The following BIN3 variants were observed in gnomAD, a reference collection of about 807,000 sequenced individuals.
The protein encoded by BIN3 is bridging integrator 3.
A neutral mutation model predicts 38.2 loss-of-function variants in BIN3; 41 were observed. The observed-to-expected ratio is 1.07, with a 90% CI of 0.84 to 1.39. The LOEUF is 1.39. Ranked by LOEUF, BIN3 falls within the 40% of genes most tolerant of loss-of-function variation. The probability of loss-of-function intolerance (pLI) is 0.00; values close to 1 mark genes in which losing one functional copy is unlikely to be tolerated. For missense variants in BIN3, 361 were observed against 324.3 expected (o/e 1.11, Z -0.87); for synonymous variants, 145 against 122.6 (o/e 1.18, Z -1.21).
chr8:22,639,755 C>T (rs1258157916), intron 2 of BIN3, among the ~76,000 whole-genome samples: 1 of 152,180 alleles, frequency 6.6e-6, no homozygotes, highest in African/African-American at 2.4e-5. Flanking sequence ...ATAAGCTGCC[C>T]CAAGCACACA....
intron 4 of BIN3, chr8:22,634,500 A>G (rs1417916282): frequency 2.2e-6 from 1 of 456,334 alleles, no homozygotes; most frequent in Non-Finnish European, 4.4e-6. Context: ...GTGTTTACAC[A>G]TCAGTAACTG....
At chr8:22,624,674 TGGGTGGCACA>T (rs1328243267) in intron 6 of BIN3, 1 of 308,104 alleles carries the variant, frequency 3.2e-6, no homozygotes, top group African/African-American at 2.2e-5. Context: ...TCCAGGGAGC[TGGGTGGCACA>T]GGGTGGCCCA....
chr8:22,660,471 G>C (rs985011516), intron 1 of BIN3, among the ~76,000 whole-genome samples: 3 of 152,168 alleles, frequency 2.0e-5, no homozygotes, highest in African/African-American at 7.2e-5. Context: ...TTACCAATCA[G>C]CAATTATAAA....
chr8:22,639,638 A>G (rs976626780), intron 2 of BIN3, among the ~76,000 whole-genome samples: 1 of 152,226 alleles, frequency 6.6e-6, no homozygotes, highest in African/African-American at 2.4e-5. Context: ...TGCCTGGCCC[A>G]TGGCAGTCCT....
chr8:22,663,997 C>T (rs928582414), intron 1 of BIN3, among the ~76,000 whole-genome samples: 1 of 152,244 alleles, frequency 6.6e-6, no homozygotes, highest in African/African-American at 2.4e-5. Context: ...TTAAATGTTC[C>T]TCAACATTTA....
At chr8:22,646,040 G>A (rs540275000) in intron 1 of BIN3, among the ~76,000 whole-genome samples, 2 of 152,170 alleles carry the variant, frequency 1.3e-5, no homozygotes, top group Non-Finnish European at 2.9e-5. Flanking sequence ...CCTGGCCTCC[G>A]CTTCCACTGA....
Position 22,630,564 on chromosome 8 carries a change from C to T in BIN3, c.175G>A (p.Ala59Thr). 1 of 1,613,928 alleles carries T rather than the reference C, an allele frequency of 6.2e-7. No homozygotes were observed. Among genetic ancestry groups the T allele is most frequent in the Non-Finnish European group, 8.5e-7 (1 of 1,179,836 alleles). ...AGTAAGTCCAAGGATATCTTCACGG[C>T]AGATTTTGACATGGCTGTGGGAAGC... ...TDADLAMSKS[A>T]VKISLDLLSN... Residue 59 changes from alanine to threonine, a missense_variant, in exon 5 of 9, where the codon GCC becomes ACC. Coordinates refer to ENST00000276416, the MANE Select transcript of BIN3 (RefSeq NM_018688.6).
chr8:22,664,369 T>G (rs115177718), intron 1 of BIN3, among the ~76,000 whole-genome samples: 3,458 of 152,320 alleles, frequency 0.023, 134 homozygotes, highest in African/African-American at 0.078. Context: ...GCCCCTGTCT[T>G]CAAGGCATTA....
intron 4 of BIN3, among the ~76,000 whole-genome samples, chr8:22,631,410 A>C (rs1802197944): frequency 1.3e-5 from 2 of 152,268 alleles, no homozygotes; most frequent in South Asian, 4.1e-4. Context: ...CAAAGCTGCC[A>C]GCAGGTCCCC....
intron 1 of BIN3, among the ~76,000 whole-genome samples, chr8:22,649,178 C>T (rs571128083): frequency 6.6e-6 from 1 of 152,294 alleles, no homozygotes; most frequent in Admixed American, 6.5e-5. Context: ...CTGTCCCAAA[C>T]TGGGACATTT....
At chr8:22,661,483 T>C (rs1803236899) in intron 1 of BIN3, among the ~76,000 whole-genome samples, 1 of 143,548 alleles carries the variant, frequency 7.0e-6, no homozygotes, top group African/African-American at 2.6e-5. Context: ...TCAGCCTCCC[T>C]AGTAGCTTGG....
At chr8:22,640,904 C>T (rs190671564) in intron 2 of BIN3, among the ~76,000 whole-genome samples, 3 of 152,198 alleles carry the variant, frequency 2.0e-5, no homozygotes, top group East Asian at 1.9e-4. Flanking sequence ...TACTTGGTGC[C>T]GCTCAAGGCC....
In BIN3 at chr8:22,621,522, T is replaced by C. The variant is rs551008362; in HGVS notation, c.662A>G (p.His221Arg). Residue 221 changes from histidine (H) to arginine (R), a missense_variant, in exon 9 of 9, where the codon CAT becomes CGT. Coordinates refer to ENST00000276416, the MANE Select transcript of BIN3 (RefSeq NM_018688.6). ...GGAGTGGCCTGGCTGGTCAAGCTGA[T>C]GGGACAGGTCTCCAAAGATCTTGTG... ...EMHKIFGDLS[H>R]QLDQPGHSDE... 14 of 1,613,890 alleles carry C rather than the reference T, an allele frequency of 8.7e-6. No individual in the cohort carries two copies. In the African/African-American group the frequency reaches 9.3e-5, roughly 11 times the overall value.
chr8:22,650,787 T>C (rs1197201882), intron 1 of BIN3, among the ~76,000 whole-genome samples: 2 of 152,244 alleles, frequency 1.3e-5, no homozygotes, highest in Non-Finnish European at 1.5e-5. Context: ...ATTGACTTTT[T>C]ACTTCGGAAG....
chr8:22,624,025 G>T lies in BIN3; in HGVS notation c.505C>A (p.Arg169=), dbSNP rs1328333848. The T allele has an allele frequency of 1.3e-6, 2 of 1,590,936 alleles. No individual in the cohort carries two copies. Among genetic ancestry groups the T allele is most frequent in the Non-Finnish European group, 8.6e-7 (1 of 1,167,044 alleles). Residue 169 remains arginine (R), a synonymous_variant, in exon 8 of 9, where the codon CGG becomes AGG. Coordinates refer to ENST00000276416, the MANE Select transcript of BIN3 (RefSeq NM_018688.6). Reference sequence around the variant, plus strand: ...CTGTTCTTGGCTTCAAAGTCCTCCCGCACAGGCCGCAGCTCCTCTCGTGCC... The same window carrying T: ...CTGTTCTTGGCTTCAAAGTCCTCCCTCACAGGCCGCAGCTCCTCTCGTGCC... The part of the protein sequence containing the change: ...HQAREELRPV[R]EDFEAKNRQL...
chr8:22,639,847 C>T (rs555006333), intron 2 of BIN3, among the ~76,000 whole-genome samples: 2 of 150,536 alleles, frequency 1.3e-5, no homozygotes, highest in South Asian at 4.2e-4. Flanking sequence ...CCCTAGCTCC[C>T]TTTACTAGAC....
intron 1 of BIN3, among the ~76,000 whole-genome samples, chr8:22,663,237 G>C (rs1027385777): frequency 1.3e-5 from 2 of 150,980 alleles, no homozygotes; most frequent in African/African-American, 4.9e-5. Context: ...TGTGAGTTGT[G>C]ATATCAAAGG....
chr8:22,634,520 T>C lies in BIN3; in HGVS notation c.160+2005A>G. On this transcript the variant is annotated intron_variant, in intron 4 of 8. Coordinates refer to ENST00000276416, the MANE Select transcript of BIN3 (RefSeq NM_018688.6). The stretch of plus-strand genomic sequence containing the variant: ...TACACATCAGTAACTGGCTGAGGCT[T>C]AGGAGCTGGCATAAAATGGGAACAA... The C allele has an allele frequency of 4.4e-6, 2 of 456,224 alleles. 1 individual carries two copies. Among genetic ancestry groups the C allele is most frequent in the South Asian group, 3.1e-5 (2 of 64,566 alleles). 28.3% of individuals were successfully genotyped at this position (456,224 alleles called of 1,614,324 possible). A position where few individuals can be genotyped will look rare whatever the true frequency, so the allele number is the denominator to read the frequency against.
chr8:22,623,779 A>AT, intron 8 of BIN3, 136 bp downstream of exon 8: 2 of 1,174,022 alleles, frequency 1.7e-6, no homozygotes, highest in East Asian at 2.6e-5. Context: ...AATGGAATGA[A>AT]TTCCTTCAGG....
Sources: gnomAD v4.1 joint callset for allele counts (sites outside exome capture counted in the v4.1 genomes callset) on GRCh38, gnomAD v4.1.1 for gene constraint, MANE v1.5 for transcripts, NCBI Gene and HGNC (gene_info 2026-07-23, HGNC 2026-07-21) for gene names.